Variants in PIK3R1 observed in about 807,000 individuals in gnomAD.
PIK3R1 encodes the protein phosphatidylinositol 3-kinase regulatory subunit alpha.
In PIK3R1, 29 loss-of-function variants were observed where a neutral mutation model predicts 98.0. That is an observed-to-expected ratio of 0.30 (90% CI 0.22 to 0.40). PIK3R1 has a LOEUF of 0.40. PIK3R1 is among the 10% of genes least tolerant of loss of function. The pLI is 1.00. For synonymous variants in PIK3R1, 282 were observed against 311.8 expected (o/e 0.90, Z 1.01); for missense variants, 596 against 872.7 (o/e 0.68, Z 3.99).
At chr5:68,252,481 G>A (rs1346571823) in intron 2 of PIK3R1, among the ~76,000 whole-genome samples, 3 of 152,126 alleles carry the variant, frequency 2.0e-5, no homozygotes, top group Non-Finnish European at 2.9e-5. Context: ...AGAATAAAAT[G>A]TGGTTCCAAT....
chr5:68,255,173 A>G (rs1452457395), intron 2 of PIK3R1, among the ~76,000 whole-genome samples: 3 of 152,362 alleles, frequency 2.0e-5, no homozygotes, highest in African/African-American at 7.2e-5. Context: ...TAAAATGACC[A>G]AAGGAGAATT....
chr5:68,277,040 G>A (rs1580239453), intron 4 of PIK3R1, among the ~76,000 whole-genome samples: 1 of 152,178 alleles, frequency 6.6e-6, no homozygotes, highest in South Asian at 2.1e-4. Flanking sequence ...AGCACAGAGG[G>A]AAACCCTGCC....
intron 1 of PIK3R1, among the ~76,000 whole-genome samples, chr5:68,224,372 A>AT (rs1744202879): frequency 6.6e-6 from 1 of 152,128 alleles, no homozygotes; most frequent in Admixed American, 6.6e-5. Context: ...GGTTGCTTTG[A>AT]TTTTTTTCTC....
chr5:68,225,063 T>C (rs1021805145), intron 1 of PIK3R1, among the ~76,000 whole-genome samples: 1 of 152,232 alleles, frequency 6.6e-6, no homozygotes, highest in Non-Finnish European at 1.5e-5. Flanking sequence ...AGCCCCAAAT[T>C]ATTTAGCCTT....
chr5:68,294,820 G>A lies in PIK3R1; in HGVS notation c.1568+142G>A. 2 of 505,970 alleles carry A rather than the reference G, an allele frequency of 4.0e-6. 1 individual carries two copies. Among genetic ancestry groups the A allele is most frequent in the South Asian group, 5.9e-5 (2 of 33,970 alleles). The allele number at this position is 505,970 out of a possible 1,614,324, so 31.3% of individuals were successfully genotyped here. A position where few individuals can be genotyped will look rare whatever the true frequency, so the allele number is the denominator to read the frequency against. ...CTCTGGGGACTGTGGTGGGGTGGGGGGAGGAGGGAGGGATAGCATTGGGAG... is the reference window on the plus strand; with the variant it reads ...CTCTGGGGACTGTGGTGGGGTGGGGAGAGGAGGGAGGGATAGCATTGGGAG... On this transcript the variant is annotated intron_variant, in intron 12 of 15. Transcript: ENST00000521381.
intron 2 of PIK3R1, among the ~76,000 whole-genome samples, chr5:68,248,003 T>C (rs1202412237): frequency 6.6e-6 from 1 of 152,158 alleles, no homozygotes; most frequent in Non-Finnish European, 1.5e-5. Context: ...ATGTTCTTTT[T>C]TTTTTTTTGA....
intron 7 of PIK3R1, chr5:68,288,659 A>G: frequency 6.2e-7 from 1 of 1,605,214 alleles, no homozygotes; most frequent in African/African-American, 1.3e-5. Flanking sequence ...GGCTTGGCCC[A>G]CTTGGTGGAA....
intron 2 of PIK3R1, among the ~76,000 whole-genome samples, chr5:68,235,848 T>C (rs1257642417): frequency 1.2e-4 from 18 of 152,012 alleles, no homozygotes; most frequent in Admixed American, 1.2e-3. Context: ...GCAAACTTAC[T>C]CTTTGCTAAT....
intron 8 of PIK3R1, chr5:68,292,806 A>G: frequency 8.5e-7 from 1 of 1,170,794 alleles, no homozygotes; most frequent in Non-Finnish European, 1.1e-6. Flanking sequence ...TTGAAAAAAT[A>G]AAAACTTAGT....
At chr5:68,280,884 T>G in intron 6 of PIK3R1, 43 bp from the exon 7 acceptor site, 1 of 1,408,984 alleles carries the variant, frequency 7.1e-7, no homozygotes. Context: ...AAAATGAGTT[T>G]GCTTTTAGGG....
chr5:68,236,542 C>T (rs1356648934), intron 2 of PIK3R1, among the ~76,000 whole-genome samples: 1 of 152,108 alleles, frequency 6.6e-6, no homozygotes, highest in Admixed American at 6.5e-5. Context: ...AGCCACCACG[C>T]CTGGCCCTAT....
At chr5:68,220,920 A>C (rs1744071001) in intron 1 of PIK3R1, among the ~76,000 whole-genome samples, 1 of 152,228 alleles carries the variant, frequency 6.6e-6, no homozygotes, top group Non-Finnish European at 1.5e-5. Context: ...TCTGGGTTGA[A>C]TGTGTCCCCC....
intron 4 of PIK3R1, among the ~76,000 whole-genome samples, chr5:68,276,742 A>G (rs946482982): frequency 3.9e-5 from 6 of 152,232 alleles, no homozygotes; most frequent in African/African-American, 1.4e-4. Context: ...AAAGACCTGC[A>G]TAGGATAATT....
In PIK3R1 at chr5:68,293,300, C is replaced by G. The variant is rs2112256631; in HGVS notation, c.1119-3C>G. On this transcript the variant is annotated splice_region_variant and splice_polypyrimidine_tract_variant and intron_variant, in intron 9 of 15. Transcript: ENST00000521381. ...TACCTTTATTTTTATATTGTTTTTA[C>G]AGGAAAGGGGGAAATAACAAATTAA... is the stretch of plus-strand genomic sequence containing the variant. The G allele has an allele frequency of 6.2e-7, 1 of 1,606,964 alleles. No homozygotes were observed. The highest frequency in any genetic ancestry group is 8.5e-7 in the Non-Finnish European group (1 of 1,175,070).
At chr5:68,279,012 C>T (rs1746705269) in intron 4 of PIK3R1, among the ~76,000 whole-genome samples, 1 of 152,120 alleles carries the variant, frequency 6.6e-6, no homozygotes, top group Admixed American at 6.5e-5. Flanking sequence ...TTTGGTTTCC[C>T]CTGAGGCTTC....
chr5:68,216,276 C>A (rs1245569238), intron 1 of PIK3R1, among the ~76,000 whole-genome samples: 3 of 152,220 alleles, frequency 2.0e-5, no homozygotes, highest in African/African-American at 7.2e-5. Flanking sequence ...TTCCTCCCAC[C>A]CTCCGTCACC....
At chr5:68,262,408 ACACG>A (rs1745798039) in intron 2 of PIK3R1, among the ~76,000 whole-genome samples, 1 of 146,266 alleles carries the variant, frequency 6.8e-6, no homozygotes, top group Non-Finnish European at 1.5e-5. Context: ...ATATATACAC[ACACG>A]CACACACACA....
chr5:68,299,396 C>T lies in PIK3R1; in HGVS notation c.*1795C>T. The T allele has an allele frequency of 4.3e-6, 1 of 233,392 alleles. No individual in the cohort carries two copies. Among genetic ancestry groups the T allele is most frequent in the Middle Eastern group, 1.3e-3 (1 of 786 alleles). 14.5% of individuals were successfully genotyped at this position (233,392 alleles called of 1,614,324 possible). A position where few individuals can be genotyped will look rare whatever the true frequency, so the allele number is the denominator to read the frequency against. On this transcript the variant is annotated 3_prime_UTR_variant, in exon 16 of 16. Coordinates refer to ENST00000521381, the MANE Select transcript of PIK3R1 (RefSeq NM_181523.3). ...CATTGCAGGAATCCAAGTGGCAGTC[C>T]TTCTCATTCATTCTAATCATTGTAT...
chr5:68,226,569 T>C lies in PIK3R1; in HGVS notation c.-107T>C. Reference sequence around the variant, plus strand: ...GGTCCTTTGTCCTCTGCTGGACACATAATAGGAATTCTAACACATTCTCTG... The same window carrying C: ...GGTCCTTTGTCCTCTGCTGGACACACAATAGGAATTCTAACACATTCTCTG... On this transcript the variant is annotated 5_prime_UTR_variant, in exon 2 of 16. Coordinates refer to ENST00000521381, the MANE Select transcript of PIK3R1 (RefSeq NM_181523.3). The C allele has an allele frequency of 1.1e-6, 1 of 896,778 alleles. No homozygotes were observed. The highest frequency in any genetic ancestry group is 2.2e-5 in the Admixed American group (1 of 45,200). The allele number at this position is 896,778 out of a possible 1,614,324, so 55.6% of individuals were successfully genotyped here.
Sources: gnomAD v4.1 joint callset for allele counts (sites outside exome capture counted in the v4.1 genomes callset) on GRCh38, gnomAD v4.1.1 for gene constraint, MANE v1.5 for transcripts, NCBI Gene and HGNC (gene_info 2026-07-23, HGNC 2026-07-21) for gene names.